Variants in NAV2 observed in about 807,000 individuals in gnomAD.
The protein encoded by NAV2 is helicase, APC down-regulated 1.
Under a neutral mutation model 223.2 loss-of-function variants are expected in NAV2, and 54 were observed. That is an observed-to-expected ratio of 0.24 (90% confidence interval 0.19 to 0.30). The LOEUF (loss-of-function observed/expected upper bound fraction) is 0.30, where lower values mean the gene tolerates loss of function less well. NAV2 is among the 10% of genes least tolerant of loss of function. The pLI, the probability that NAV2 is intolerant of heterozygous loss-of-function variation, is 1.00. For synonymous variants in NAV2, 1,279 were observed against 1,239.3 expected (o/e 1.03, Z -0.67); for missense variants, 2,806 against 3,147.5 (o/e 0.89, Z 2.60).
rs77440198 is a variant in NAV2 at position 19,864,442 on chromosome 11, C to T, written c.439-4483C>T. Among the ~76,000 whole-genome samples, 374 of 152,296 alleles carry T rather than the reference C, an allele frequency of 2.5e-3. 1 individual carries two copies. Among genetic ancestry groups the T allele is most frequent in the African/African-American group, 8.3e-3 (346 of 41,556 alleles). On this transcript the variant is annotated intron_variant, in intron 3 of 37. Transcript: ENST00000349880. ...CCAGGGAGATATATAGCAGTGCTTC[C>T]GAGGTTTGCATATTTTACGTTATCA...
chr11:19,599,738 TG>T, intron 1 of NAV2, among the ~76,000 whole-genome samples: 1 of 152,224 alleles, frequency 6.6e-6, no homozygotes, highest in East Asian at 1.9e-4. Context: ...CCAATCTTTT[TG>T]AAGTGTCAGG....
chr11:19,541,012 G>C (rs570516648), intron 1 of NAV2, among the ~76,000 whole-genome samples: 1 of 152,348 alleles, frequency 6.6e-6, no homozygotes, highest in East Asian at 1.9e-4. Flanking sequence ...CTGCAGGAAA[G>C]AATCCTGTTA....
At chr11:19,943,919 C>T (rs1290145602) in intron 8 of NAV2, among the ~76,000 whole-genome samples, 1 of 148,222 alleles carries the variant, frequency 6.7e-6, no homozygotes, top group African/African-American at 2.4e-5. Flanking sequence ...GGAACTAGGC[C>T]GTGTGTGGTG....
At chr11:19,771,363 C>T (rs1475988146) in intron 1 of NAV2, among the ~76,000 whole-genome samples, 3 of 152,052 alleles carry the variant, frequency 2.0e-5, no homozygotes, top group Non-Finnish European at 4.4e-5. Flanking sequence ...GGAAAGGATC[C>T]GAGAATTCAC....
chr11:19,758,869 A>G (rs2054476076), intron 1 of NAV2, among the ~76,000 whole-genome samples: 1 of 152,180 alleles, frequency 6.6e-6, no homozygotes, highest in South Asian at 2.1e-4. Context: ...GAGGCAGAGC[A>G]ACTGCTTCTG....
At chr11:19,915,339 T>C (rs2043710681) in intron 6 of NAV2, among the ~76,000 whole-genome samples, 1 of 152,186 alleles carries the variant, frequency 6.6e-6, no homozygotes, top group South Asian at 2.1e-4. Flanking sequence ...CAGGTAAACT[T>C]CCTTCACATA....
intron 1 of NAV2, among the ~76,000 whole-genome samples, chr11:19,454,326 A>G (rs1851888698): frequency 6.6e-6 from 1 of 152,206 alleles, no homozygotes; most frequent in Non-Finnish European, 1.5e-5. Context: ...GTCAGCTGCA[A>G]ATAGCTGCCT....
chr11:19,459,946 C>T (rs1257900231), intron 1 of NAV2, among the ~76,000 whole-genome samples: 1 of 152,162 alleles, frequency 6.6e-6, no homozygotes, highest in Non-Finnish European at 1.5e-5. Context: ...CAAGACTTAT[C>T]AGCATGGTGT....
intron 37 of NAV2, among the ~76,000 whole-genome samples, chr11:20,117,244 G>A (rs1284199914): frequency 2.0e-5 from 3 of 152,156 alleles, no homozygotes; most frequent in Non-Finnish European, 4.4e-5. Flanking sequence ...CCAAACAAGT[G>A]ACCCGTAGTA....
intron 1 of NAV2, among the ~76,000 whole-genome samples, chr11:19,665,279 C>T (rs1220146526): frequency 6.6e-6 from 1 of 152,218 alleles, no homozygotes; most frequent in African/African-American, 2.4e-5. Flanking sequence ...AGCCGACTGG[C>T]CAAGATCCTC....
At chr11:20,111,176 C>T (rs944159534) in intron 36 of NAV2, among the ~76,000 whole-genome samples, 1 of 152,248 alleles carries the variant, frequency 6.6e-6, no homozygotes, top group Admixed American at 6.5e-5. Context: ...GTGATGTGCA[C>T]ACCCTCCCAG....
intron 1 of NAV2, among the ~76,000 whole-genome samples, chr11:19,616,942 G>GA (rs1177849058): frequency 6.6e-6 from 1 of 151,882 alleles, no homozygotes; most frequent in Non-Finnish European, 1.5e-5. Context: ...CTAAGACAGG[G>GA]AAAATTACTT....
At chr11:19,789,786 A>G (rs912602205) in intron 1 of NAV2, among the ~76,000 whole-genome samples, 7 of 152,188 alleles carry the variant, frequency 4.6e-5, no homozygotes, top group African/African-American at 9.6e-5. Context: ...GTTGCTTTGA[A>G]TTAGTGCTGG....
At chr11:19,966,180 T>C (rs1447931735) in intron 10 of NAV2, among the ~76,000 whole-genome samples, 1 of 152,200 alleles carries the variant, frequency 6.6e-6, no homozygotes, top group Non-Finnish European at 1.5e-5. Flanking sequence ...GGAAGGTGCA[T>C]AGATCCCACC....
rs760423958 is a variant in NAV2 at position 20,041,200 on chromosome 11, C to T, written c.2908-2781C>T. Among the ~76,000 whole-genome samples the T allele has an allele frequency of 5.3e-5, 8 of 152,064 alleles. No homozygotes were observed. In the South Asian group the frequency reaches 1.5e-3, roughly 28 times the overall value. ...GTATGCACAAATGTATCATATACCTCGACTTATCCTTAGGGAGGGCAGTGT... is the reference window on the plus strand; with the variant it reads ...GTATGCACAAATGTATCATATACCTTGACTTATCCTTAGGGAGGGCAGTGT... On this transcript the variant is annotated intron_variant, in intron 12 of 37. Transcript: ENST00000349880.
intron 22 of NAV2, among the ~76,000 whole-genome samples, chr11:20,077,070 C>G: frequency 6.6e-6 from 1 of 152,122 alleles, no homozygotes; most frequent in East Asian, 1.9e-4. Flanking sequence ...CTATTGTGAG[C>G]TTAGCACTTG....
intron 1 of NAV2, among the ~76,000 whole-genome samples, chr11:19,382,256 G>A (rs34429961): frequency 0.012 from 1,771 of 152,330 alleles, 22 homozygotes; most frequent in Non-Finnish European, 0.019. Context: ...TGGGACAGGA[G>A]GTGAGCGTGG....
intron 1 of NAV2, among the ~76,000 whole-genome samples, chr11:19,373,969 C>T (rs1848556272): frequency 6.6e-6 from 1 of 152,092 alleles, no homozygotes; most frequent in South Asian, 2.1e-4. Context: ...GTCAAGATAA[C>T]CTGTATGAAA....
At chr11:19,445,545 A>C (rs1349769355) in intron 1 of NAV2, among the ~76,000 whole-genome samples, 1 of 152,170 alleles carries the variant, frequency 6.6e-6, no homozygotes, top group African/African-American at 2.4e-5. Flanking sequence ...TCACATAGTA[A>C]ATTTTGGAGC....
Sources: allele counts gnomAD v4.1 joint callset (sites outside exome capture counted in the v4.1 genomes callset), GRCh38; gene constraint gnomAD v4.1.1; transcripts MANE v1.5; gene names NCBI Gene and HGNC (gene_info 2026-07-23, HGNC 2026-07-21).